Variants in YARS2 observed in about 807,000 individuals in gnomAD.
YARS2 encodes the protein tyrosyl-tRNA synthetase 2.
In YARS2, 38 loss-of-function variants were observed where a neutral mutation model predicts 45.0. That is an observed-to-expected ratio of 0.84 (90% CI 0.65 to 1.11). The LOEUF (loss-of-function observed/expected upper bound fraction) is 1.11, where lower values mean the gene tolerates loss of function less well. YARS2 is among the 50% of genes least tolerant of loss of function. The probability of loss-of-function intolerance (pLI) is 0.00; values close to 1 mark genes in which losing one functional copy is unlikely to be tolerated. For missense variants in YARS2, 602 were observed against 599.8 expected (o/e 1.00, Z -0.04); for synonymous variants, 287 against 245.1 (o/e 1.17, Z -1.60).
Position 32,755,369 on chromosome 12 carries a change from G to A in YARS2, c.506C>T (p.Thr169Ile), listed in dbSNP as rs199769247. ...FTDGRSWGSF[T>I]VLDNSAWYQK... ...GTACCAGGCCGAGTTGTCCAGCACA[G>A]TGAAGCTGCCCCAGGAGCGCCCATC... The change falls in exon 1 of 5, where the codon ACT becomes ATT. Residue 169 changes from threonine to isoleucine, a missense_variant. By Grantham distance (89) the Thr-to-Ile change is moderately conservative. Transcript: ENST00000324868. The A allele has an allele frequency of 6.8e-6, 11 of 1,614,086 alleles. No individual in the cohort carries two copies. The Admixed American group carries it at 1.0e-4, about 15-fold the overall frequency.
At chr12:32,750,582 G>A in intron 3 of YARS2, 137 bp downstream of exon 3, 1 of 1,074,906 alleles carries the variant, frequency 9.3e-7, no homozygotes, top group Non-Finnish European at 1.4e-6. Flanking sequence ...ATAAACAGGG[G>A]CTATTTTAAA....
chr12:32,752,359 G>A (rs7957841), intron 2 of YARS2, among the ~76,000 whole-genome samples: 23,354 of 152,002 alleles, frequency 0.15, 1,882 homozygotes, highest in Middle Eastern at 0.21. Context: ...TAATCAAATA[G>A]TGAGTTTGGC....
Position 32,755,350 on chromosome 12 carries a change from G to A in YARS2, c.525C>T (p.Ala175=). 1.2e-6 allele frequency: 2 copies of A among 1,614,102 alleles called. No homozygotes were observed. The highest frequency in any genetic ancestry group is 2.2e-5 in the South Asian group (2 of 91,086). Residue 175 remains alanine, a synonymous_variant, in exon 1 of 5, where the codon GCC becomes GCT. Transcript: ENST00000324868. ...CCACCAGGTGCTGCTTCTGGTACCA[G>A]GCCGAGTTGTCCAGCACAGTGAAGC... The part of the protein sequence containing the change: ...WGSFTVLDNS[A]WYQKQHLVDF...
intron 4 of YARS2, 116 bp from the exon 5 acceptor site, chr12:32,747,479 G>T: frequency 2.0e-6 from 2 of 1,022,230 alleles, no homozygotes; most frequent in Non-Finnish European, 3.0e-6. Flanking sequence ...ATTTCATTTG[G>T]CACTGGACTG....
In YARS2 at chr12:32,754,238, A is replaced by G. The variant is rs116033296; in HGVS notation, c.780-153T>C. On this transcript the variant is annotated intron_variant, in intron 1 of 4. Transcript: ENST00000324868. The stretch of plus-strand genomic sequence containing the variant: ...TCTTGTTCCTCTTATGTATTGTTAC[A>G]GTACTTACTCTATTCATTCTGAACC... Among the ~76,000 whole-genome samples, 1,523 of 152,302 alleles carry G rather than the reference A, an allele frequency of 1.0e-2. 31 individuals carry two copies. Among genetic ancestry groups the G allele is most frequent in the African/African-American group, 0.034 (1,404 of 41,554 alleles).
At position 32,747,171 on chromosome 12, in the gene YARS2, TAA is replaced by T. The variant is rs761825956; in HGVS notation, c.*31_*32del. On this transcript the variant is annotated 3_prime_UTR_variant, in exon 5 of 5. Coordinates refer to ENST00000324868, the MANE Select transcript of YARS2 (RefSeq NM_001040436.3). ...AGAGGTCTTGAGAATGAATGATGGG[TAA>T]GTTTATTTGGACAACCAGAAGGACT... The T allele has an allele frequency of 6.2e-6, 10 of 1,609,808 alleles. No homozygotes were observed. The Admixed American group carries it at 1.7e-4, about 27-fold the overall frequency.
intron 1 of YARS2, among the ~76,000 whole-genome samples, chr12:32,754,329 G>T (rs540872458): frequency 1.3e-5 from 2 of 152,322 alleles, no homozygotes; most frequent in East Asian, 1.9e-4. Context: ...ATGGACTAGA[G>T]ATTTTGAAAG....
Position 32,755,858 on chromosome 12 carries a change from A to C in YARS2, c.17T>G (p.Leu6Trp). The change falls in exon 1 of 5, where the codon TTG becomes TGG. Residue 6 changes from leucine to tryptophan, a missense_variant. Leu to Trp is a moderately conservative substitution (Grantham distance 61). Coordinates refer to ENST00000324868, the MANE Select transcript of YARS2 (RefSeq NM_001040436.3). MAAPI[L>W]RSFSWGRWSG... Reference sequence around the variant, plus strand: ...CCACCGGCCCCAGGAAAAGGACCGCAAGATGGGCGCCGCCATCTTGGTAGC... The same window carrying C: ...CCACCGGCCCCAGGAAAAGGACCGCCAGATGGGCGCCGCCATCTTGGTAGC... 1 of 1,613,202 alleles carries C rather than the reference A, an allele frequency of 6.2e-7. No homozygotes were observed. The highest frequency in any genetic ancestry group is 8.5e-7 in the Non-Finnish European group (1 of 1,180,034).
intron 2 of YARS2, 119 bp downstream of exon 2, chr12:32,753,799 G>A (rs1248184929): frequency 2.3e-5 from 30 of 1,308,232 alleles, no homozygotes; most frequent in Non-Finnish European, 3.1e-5. Flanking sequence ...AATGGTTTAT[G>A]TACAGACAGA....
chr12:32,751,908 A>C (rs553543103), intron 2 of YARS2, among the ~76,000 whole-genome samples: 1 of 152,358 alleles, frequency 6.6e-6, no homozygotes, highest in South Asian at 2.1e-4. Flanking sequence ...ACAGTGGTTC[A>C]TAACATTATA....
At chr12:32,751,241 A>AT (rs1323078730) in intron 2 of YARS2, among the ~76,000 whole-genome samples, 2 of 150,296 alleles carry the variant, frequency 1.3e-5, no homozygotes, top group African/African-American at 4.9e-5. Flanking sequence ...TAATTTTTAT[A>AT]TTTTTTTTGT....
At chr12:32,753,261 A>T (rs1955783302) in intron 2 of YARS2, among the ~76,000 whole-genome samples, 1 of 152,198 alleles carries the variant, frequency 6.6e-6, no homozygotes, top group Non-Finnish European at 1.5e-5. Flanking sequence ...GGGCAATGGG[A>T]GTGAGATTCT....
chr12:32,747,924 C>A (rs1955673900), intron 4 of YARS2, among the ~76,000 whole-genome samples: 1 of 152,110 alleles, frequency 6.6e-6, no homozygotes, highest in Admixed American at 6.5e-5. Context: ...TAGGAGCACA[C>A]TGGGTAGGTG....
At position 32,747,242 on chromosome 12, in the gene YARS2, T is replaced by C. The variant is rs863224270; in HGVS notation, c.1396A>G (p.Lys466Glu). Reference protein sequence around the residue: ...KNGLSLLKIGKRNFYIIKWLQ... With the variant: ...KNGLSLLKIGERNFYIIKWLQ... ...CATTTTATAATGTAGAAATTTCTTT[T>C]TCCTATTTTAAGTAAGGAAAGTCCA... Residue 466 changes from lysine to glutamate, a missense_variant, in exon 5 of 5, where the codon AAA (lysine) becomes GAA (glutamate). Coordinates refer to ENST00000324868, the MANE Select transcript of YARS2 (RefSeq NM_001040436.3). 3 of 1,613,690 alleles carry C rather than the reference T, an allele frequency of 1.9e-6. No individual in the cohort carries two copies. The highest frequency in any genetic ancestry group is 2.5e-6 in the Non-Finnish European group (3 of 1,179,898).
Position 32,754,019 on chromosome 12 carries a change from C to T in YARS2, c.846G>A (p.Leu282=). 1 of 1,614,200 alleles carries T rather than the reference C, an allele frequency of 6.2e-7. No individual in the cohort carries two copies. The highest frequency in any genetic ancestry group is 8.5e-7 in the Non-Finnish European group (1 of 1,180,034). Reference sequence around the variant, plus strand: ...AAACAGCGTTGCCAGCAGACTTTCCCAGCTTTGCTCCAGTTGTACTTGTAA... The same window carrying T: ...AAACAGCGTTGCCAGCAGACTTTCCTAGCTTTGCTCCAGTTGTACTTGTAA... The part of the protein sequence containing the change: ...PLITSTTGAK[L]GKSAGNAVWL... The change falls in exon 2 of 5, where the codon CTG becomes CTA. Residue 282 remains leucine, a synonymous_variant. Coordinates refer to ENST00000324868, the MANE Select transcript of YARS2 (RefSeq NM_001040436.3).
In YARS2 at chr12:32,747,093, TC is replaced by T; in HGVS notation, c.*110del. 9.2e-7 allele frequency: 1 copy of T among 1,081,770 alleles called. No individual in the cohort carries two copies. The highest frequency in any genetic ancestry group is 2.5e-5 in the East Asian group (1 of 40,454). 67.0% of individuals were successfully genotyped at this position (1,081,770 alleles called of 1,614,324 possible). ...TTACTCACACTGAGTCCTAGTCCAT[TC>T]TGTTTTTCTGATTTGCATAAGCAAA... On this transcript the variant is annotated 3_prime_UTR_variant, in exon 5 of 5. Transcript: ENST00000324868.
At chr12:32,753,303 A>ATTT (rs1427272528) in intron 2 of YARS2, among the ~76,000 whole-genome samples, 1 of 152,148 alleles carries the variant, frequency 6.6e-6, no homozygotes, top group Non-Finnish European at 1.5e-5. Flanking sequence ...AACTGATATT[A>ATTT]TTTTTGTACT....
At chr12:32,751,761 G>C (rs1466166924) in intron 2 of YARS2, among the ~76,000 whole-genome samples, 1 of 152,122 alleles carries the variant, frequency 6.6e-6, no homozygotes, top group African/African-American at 2.4e-5. Flanking sequence ...TTCACAATAG[G>C]GTTTGTGCTC....
chr12:32,753,798 T>C (rs1187369467), intron 2 of YARS2, 120 bp downstream of exon 2: 2 of 1,296,924 alleles, frequency 1.5e-6, no homozygotes, highest in African/African-American at 1.5e-5. Context: ...TAATGGTTTA[T>C]GTACAGACAG....
Sources: allele counts gnomAD v4.1 joint callset (sites outside exome capture counted in the v4.1 genomes callset), GRCh38; gene constraint gnomAD v4.1.1; transcripts MANE v1.5; gene names NCBI Gene and HGNC (gene_info 2026-07-23, HGNC 2026-07-21).